The following SF3B1 variants were observed in gnomAD, a reference collection of about 807,000 sequenced individuals.
SF3B1 encodes the protein pre-mRNA processing 10.
In SF3B1, 12 loss-of-function variants were observed where a neutral mutation model predicts 153.8. The ratio of observed to expected loss-of-function variants is 0.08; its 90% CI spans 0.05 to 0.13. The LOEUF is 0.13. Ranked by LOEUF, SF3B1 falls within the 10% of genes least tolerant of loss-of-function variation. SF3B1 has a pLI of 1.00. For synonymous variants in SF3B1, 498 were observed against 525.2 expected (o/e 0.95, Z 0.71); for missense variants, 513 against 1,606.1 (o/e 0.32, Z 11.63).
intron 4 of SF3B1, chr2:197,419,072 T>C (rs2085199541): frequency 9.5e-6 from 7 of 735,064 alleles, no homozygotes; most frequent in Admixed American, 2.7e-5. Context: ...AAGTTCTTCA[T>C]ACAGTGTTCT....
chr2:197,413,809 G>C (rs1023986463), intron 6 of SF3B1, among the ~76,000 whole-genome samples: 8 of 151,022 alleles, frequency 5.3e-5, no homozygotes, highest in African/African-American at 1.9e-4. Context: ...TTCTTGTTTT[G>C]TTTTGTTTTT....
chr2:197,413,268 G>A (rs2085098989), intron 6 of SF3B1, among the ~76,000 whole-genome samples: 1 of 152,146 alleles, frequency 6.6e-6, no homozygotes, highest in Non-Finnish European at 1.5e-5. Context: ...GGGCGTGATG[G>A]CACATGCCTG....
chr2:197,400,174 A>G lies in SF3B1; in HGVS notation c.2902-8T>C. ...GTGTCCCATCAATTTTTCCTATAATAAAACAAATAATGTTAAAATGTTACT... is the reference window on the plus strand; with the variant it reads ...GTGTCCCATCAATTTTTCCTATAATGAAACAAATAATGTTAAAATGTTACT... On this transcript the variant is annotated splice_polypyrimidine_tract_variant and splice_region_variant and intron_variant, in intron 19 of 24. Coordinates refer to ENST00000335508, the MANE Select transcript of SF3B1 (RefSeq NM_012433.4). The surrounding 1 kb of genome is among the most constrained non-coding windows in gnomAD (Gnocchi z 5.0). The G allele has an allele frequency of 6.2e-7, 1 of 1,605,748 alleles. No individual in the cohort carries two copies. Among genetic ancestry groups the G allele is most frequent in the South Asian group, 1.1e-5 (1 of 90,658 alleles).
chr2:197,403,837 G>A (rs2084960303), intron 11 of SF3B1, 73 bp from the exon 12 acceptor site: 1 of 1,124,078 alleles, frequency 8.9e-7, no homozygotes, highest in Admixed American at 3.4e-5. Context: ...ATTACTCAAA[G>A]AAGATTTTCC....
intron 6 of SF3B1, among the ~76,000 whole-genome samples, chr2:197,410,665 C>T (rs904560467): frequency 1.3e-5 from 2 of 151,596 alleles, no homozygotes; most frequent in Non-Finnish European, 2.9e-5. Flanking sequence ...GCCACCACGC[C>T]GGGCTAATTT....
chr2:197,403,289 A>C (rs11678091), intron 12 of SF3B1, among the ~76,000 whole-genome samples: 2 of 152,188 alleles, frequency 1.3e-5, no homozygotes, highest in African/African-American at 4.8e-5. Context: ...AACATACTGC[A>C]CCATAATTAC....
rs1380834335 is a variant in SF3B1 at position 197,401,987 on chromosome 2, T to C, written c.2221A>G (p.Lys741Glu). The C allele has an allele frequency of 6.2e-7, 1 of 1,611,140 alleles. No homozygotes were observed. The highest frequency in any genetic ancestry group is 8.5e-7 in the Non-Finnish European group (1 of 1,179,362). Residue 741 changes from lysine to glutamate, a missense_variant and splice_region_variant, in exon 15 of 25, where the codon AAG becomes GAG. This residue lies in a region of SF3B1 where 50 missense variants were observed against 236.5 expected (regional missense o/e 0.21). Coordinates refer to ENST00000335508, the MANE Select transcript of SF3B1 (RefSeq NM_012433.4). The surrounding 1 kb of genome is among the most constrained non-coding windows in gnomAD (Gnocchi z 4.2). The part of the protein sequence containing the change: ...LWKGIRQHRG[K>E]GLAAFLKAIG... Reference sequence around the variant, plus strand: ...CAAAAGGTAATTGGTGGATTTACCTTTCCTCTGTGTTGGCGGATACCCTTC... The same window carrying C: ...CAAAAGGTAATTGGTGGATTTACCTCTCCTCTGTGTTGGCGGATACCCTTC...
intron 7 of SF3B1, 178 bp from the exon 8 acceptor site, chr2:197,408,759 C>A (rs987886236): frequency 1.7e-6 from 1 of 582,926 alleles, no homozygotes; most frequent in Non-Finnish European, 3.0e-6. Context: ...TCTGTCTCTA[C>A]TAAAAATACA....
At position 197,434,990 on chromosome 2, in the gene SF3B1, T is replaced by C. The variant is rs2085501052; in HGVS notation, c.10A>G (p.Ile4Val). 1.2e-6 allele frequency: 2 copies of C among 1,614,112 alleles called. No individual in the cohort carries two copies. Among genetic ancestry groups the C allele is most frequent in the African/African-American group, 1.3e-5 (1 of 74,954 alleles). ...CGCTTACCTTCGTGAGTCTTGGCGATCTTCGCCATTTTGTCCACTCGAACA... is the reference window on the plus strand; with the variant it reads ...CGCTTACCTTCGTGAGTCTTGGCGACCTTCGCCATTTTGTCCACTCGAACA... MAKIAKTHEDIEAQ... is the reference protein window; with the variant it reads MAKVAKTHEDIEAQ... The change falls in exon 1 of 25, where the codon ATC becomes GTC. Residue 4 changes from isoleucine (I) to valine (V), a missense_variant. Ile to Val is a conservative substitution (Grantham distance 29). This residue lies in a region of SF3B1 where 27 missense variants were observed against 26.7 expected (regional missense o/e 1.01). Coordinates refer to ENST00000335508, the MANE Select transcript of SF3B1 (RefSeq NM_012433.4).
At position 197,418,457 on chromosome 2, in the gene SF3B1, A is replaced by G; in HGVS notation, c.495+52T>C. On this transcript the variant is annotated intron_variant, in intron 5 of 24. Coordinates refer to ENST00000335508, the MANE Select transcript of SF3B1 (RefSeq NM_012433.4). The stretch of plus-strand genomic sequence containing the variant: ...GAAACCTAACAGTCTCTCAATCACA[A>G]CTGTATTTATATTCTTTCACAACCA... 3.7e-6 allele frequency: 5 copies of G among 1,363,894 alleles called. No individual in the cohort carries two copies. In the East Asian group the frequency reaches 1.2e-4, roughly 32 times the overall value. 84.5% of individuals were successfully genotyped at this position (1,363,894 alleles called of 1,614,324 possible). A position where few individuals can be genotyped will look rare whatever the true frequency, so the allele number is the denominator to read the frequency against.
intron 8 of SF3B1, 26 bp downstream of exon 8, chr2:197,408,343 A>C: frequency 6.3e-7 from 1 of 1,599,388 alleles, no homozygotes; most frequent in Middle Eastern, 1.7e-4. Flanking sequence ...AGAAAAAAAC[A>C]ATTATGTCCA....
In SF3B1 at chr2:197,392,570, TGGGGGG is replaced by T. The variant is rs10686140; in HGVS notation, c.3757-115_3757-110del. The T allele has an allele frequency of 2.3e-4, 34 of 145,690 alleles. 5 individuals carry two copies. Among genetic ancestry groups the T allele is most frequent in the Middle Eastern group, 7.7e-3 (2 of 260 alleles). The allele number at this position is 145,690 out of a possible 1,614,324, so 9.0% of individuals were successfully genotyped here. ...TTCAAAATTATTTCCCTTGGGGAGTTGGGGGGGGGGGAACCTACTAATTACACTGCT... is the reference window on the plus strand; with the variant it reads ...TTCAAAATTATTTCCCTTGGGGAGTTGGGGGAACCTACTAATTACACTGCT... On this transcript the variant is annotated intron_variant, in intron 24 of 24. Transcript: ENST00000335508.
At chr2:197,412,382 G>A (rs908622554) in intron 6 of SF3B1, among the ~76,000 whole-genome samples, 7 of 148,768 alleles carry the variant, frequency 4.7e-5, no homozygotes, top group Non-Finnish European at 1.0e-4. Context: ...TTGAGACAGA[G>A]TCTCACTCTG....
intron 2 of SF3B1, among the ~76,000 whole-genome samples, chr2:197,422,253 A>G (rs1315081024): frequency 6.7e-6 from 1 of 148,836 alleles, no homozygotes; most frequent in Non-Finnish European, 1.5e-5. Context: ...TTCTCTCAAG[A>G]AAAAAAAAAG....
chr2:197,420,242 A>C (rs1414106639), intron 4 of SF3B1, 186 bp downstream of exon 4: 1 of 467,514 alleles, frequency 2.1e-6, no homozygotes, highest in African/African-American at 2.0e-5. Flanking sequence ...CTGGAAAGAA[A>C]ACTTGCATTA....
At chr2:197,423,619 T>C (rs999792035) in intron 2 of SF3B1, among the ~76,000 whole-genome samples, 189 bp downstream of exon 2, 1 of 152,182 alleles carries the variant, frequency 6.6e-6, no homozygotes, top group African/African-American at 2.4e-5. Flanking sequence ...GTCTTTACCA[T>C]AAATTCTCAG....
intron 23 of SF3B1, among the ~76,000 whole-genome samples, chr2:197,394,687 C>T (rs1026221735): frequency 7.9e-5 from 12 of 152,142 alleles, no homozygotes; most frequent in Non-Finnish European, 1.8e-4. Flanking sequence ...GGGTAGATCA[C>T]GAGGTCAGGA....
At chr2:197,430,951 C>T in intron 1 of SF3B1, among the ~76,000 whole-genome samples, 1 of 152,158 alleles carries the variant, frequency 6.6e-6, no homozygotes, top group Non-Finnish European at 1.5e-5. Context: ...TGAGCAACCC[C>T]TGGCCTCCTG....
At chr2:197,407,038 T>G (rs1171105941) in intron 9 of SF3B1, among the ~76,000 whole-genome samples, 1 of 152,068 alleles carries the variant, frequency 6.6e-6, no homozygotes, top group East Asian at 1.9e-4. Flanking sequence ...CAGTGAGCTA[T>G]GTCAGCGCCA....
Sources: allele counts gnomAD v4.1 joint callset (sites outside exome capture counted in the v4.1 genomes callset), GRCh38; gene constraint gnomAD v4.1.1; regional missense constraint gnomAD v4.1.1; non-coding constraint Gnocchi (gnomAD v3.1); transcripts MANE v1.5; gene names NCBI Gene and HGNC (gene_info 2026-07-23, HGNC 2026-07-21).